CCDC171: variants seen among roughly 807,000 people sequenced by gnomAD.
The protein encoded by CCDC171 is coiled-coil domain-containing protein 171.
In CCDC171, 177 loss-of-function variants were observed where a neutral mutation model predicts 168.2. That is an observed-to-expected ratio of 1.05 (90% CI 0.93 to 1.19). The LOEUF is 1.19. CCDC171 is among the 50% of genes most tolerant of loss of function. The probability of loss-of-function intolerance (pLI) is 0.00; values close to 1 mark genes in which losing one functional copy is unlikely to be tolerated. For synonymous variants in CCDC171, 687 were observed against 540.8 expected (o/e 1.27, Z -3.75); for missense variants, 1,991 against 1,539.0 (o/e 1.29, Z -4.91).
At chr9:15,750,243 C>T (rs1012553337) in intron 18 of CCDC171, among the ~76,000 whole-genome samples, 4 of 152,204 alleles carry the variant, frequency 2.6e-5, no homozygotes, top group Admixed American at 6.5e-5. Flanking sequence ...TTCCTGGACA[C>T]ATACACCCTC....
chr9:15,577,352 T>G (rs2040751452), intron 3 of CCDC171, among the ~76,000 whole-genome samples: 1 of 152,234 alleles, frequency 6.6e-6, no homozygotes, highest in Admixed American at 6.5e-5. Flanking sequence ...GGCCTTGTAG[T>G]AAATCAATAC....
At chr9:16,055,423 T>G (rs1833823543) in intron 1 of CCDC171, among the ~76,000 whole-genome samples, 1 of 152,038 alleles carries the variant, frequency 6.6e-6, no homozygotes, top group Non-Finnish European at 1.5e-5. Flanking sequence ...GACACTCATG[T>G]GAAGAGGAAG....
At chr9:15,838,596 G>T (rs1397384231) in intron 21 of CCDC171, among the ~76,000 whole-genome samples, 1 of 152,166 alleles carries the variant, frequency 6.6e-6, no homozygotes, top group Non-Finnish European at 1.5e-5. Flanking sequence ...AGAAGGATGG[G>T]AGTTGGGAGT....
the CCDC171 span, among the ~76,000 whole-genome samples, chr9:16,079,363 G>C: frequency 1.3e-5 from 2 of 152,314 alleles, no homozygotes; most frequent in South Asian, 4.1e-4. Context: ...ACAAAATCAA[G>C]TTAAAATGAG....
At chr9:15,998,401 C>G (rs1053598805) in intron 3 of CCDC171, among the ~76,000 whole-genome samples, 5 of 152,174 alleles carry the variant, frequency 3.3e-5, no homozygotes, top group African/African-American at 1.2e-4. Context: ...GGAAGTGGAT[C>G]TCCTAGTCAG....
chr9:15,880,918 A>G (rs1473390280), intron 24 of CCDC171, among the ~76,000 whole-genome samples: 1 of 152,208 alleles, frequency 6.6e-6, no homozygotes, highest in Non-Finnish European at 1.5e-5. Flanking sequence ...GGGAAATACA[A>G]TTAGCTGGCA....
chr9:15,571,391 A>G (rs1202623694), intron 2 of CCDC171, among the ~76,000 whole-genome samples: 1 of 152,190 alleles, frequency 6.6e-6, no homozygotes, highest in Non-Finnish European at 1.5e-5. Flanking sequence ...ATAATGTGGT[A>G]ATTTCCCATT....
intron 7 of CCDC171, among the ~76,000 whole-genome samples, chr9:15,649,932 A>G (rs976271688): frequency 6.6e-6 from 1 of 152,206 alleles, no homozygotes; most frequent in Non-Finnish European, 1.5e-5. Context: ...TCATGCTGCT[A>G]TAAAGACACA....
Position 15,777,826 on chromosome 9 carries a change from G to A in CCDC171, c.2898G>A (p.Thr966=), listed in dbSNP as rs150773145. Residue 966 remains threonine, a splice_region_variant and synonymous_variant, in exon 19 of 26, where the codon ACG becomes ACA. Coordinates refer to ENST00000380701, the MANE Select transcript of CCDC171 (RefSeq NM_173550.4). ...GTTTGCGTGGCCATGTGCCCATTACGGTATGTATACACTTTCATTTAGTAG... is the reference window on the plus strand; with the variant it reads ...GTTTGCGTGGCCATGTGCCCATTACAGTATGTATACACTTTCATTTAGTAG... ...KYGLRGHVPI[T]KSTASLQKQI... The A allele has an allele frequency of 1.4e-5, 22 of 1,593,588 alleles. No homozygotes were observed. In the African/African-American group the frequency reaches 1.5e-4, roughly 11 times the overall value.
rs968996863 is a variant in CCDC171, at chr9:15,737,076, A to AT, written c.2050-7187dup. On this transcript the variant is annotated intron_variant, in intron 16 of 25. Coordinates refer to ENST00000380701, the MANE Select transcript of CCDC171 (RefSeq NM_173550.4). ...AGTTCTCTTAATTTGTATTTCTCGG[A>AT]TTTTTTTTTTCTGAGAAACTGAAGT... Among the ~76,000 whole-genome samples the AT allele has an allele frequency of 1.1e-3, 169 of 150,146 alleles. 2 individuals are homozygous for AT. Among genetic ancestry groups the AT allele is most frequent in the Middle Eastern group, 3.5e-3 (1 of 288 alleles).
chr9:15,744,525 G>C lies in CCDC171; in HGVS notation c.2302G>C (p.Glu768Gln). 6.2e-7 allele frequency: 1 copy of C among 1,614,210 alleles called. No homozygotes were observed. Among genetic ancestry groups the C allele is most frequent in the Non-Finnish European group, 8.5e-7 (1 of 1,180,032 alleles). Residue 768 changes from glutamate to glutamine, a missense_variant, in exon 17 of 26, where the codon GAA becomes CAA. Transcript: ENST00000380701. The stretch of plus-strand genomic sequence containing the variant: ...CAACACCTTTGAGTTGTTCAAACTG[G>C]AAATTAGAACTCTAGCCCAGGCTTT... The part of the protein sequence containing the change: ...QVNTFELFKL[E>Q]IRTLAQALST...
At chr9:15,605,888 A>G (rs1423663291) in intron 6 of CCDC171, among the ~76,000 whole-genome samples, 1 of 152,124 alleles carries the variant, frequency 6.6e-6, no homozygotes, top group Non-Finnish European at 1.5e-5. Flanking sequence ...TAGTATTTGC[A>G]TGGCATTCTG....
chr9:15,834,813 T>C (rs2060372044), intron 21 of CCDC171, among the ~76,000 whole-genome samples: 1 of 152,234 alleles, frequency 6.6e-6, no homozygotes, highest in South Asian at 2.1e-4. Context: ...TAAGGGCATC[T>C]ACAAGGAAAA....
At chr9:15,860,936 ATGTGTGTGTG>A in intron 23 of CCDC171, among the ~76,000 whole-genome samples, 1 of 144,262 alleles carries the variant, frequency 6.9e-6, no homozygotes. Flanking sequence ...GTTGTTAGGG[ATGTGTGTGTG>A]TGTGTGTGTG....
intron 6 of CCDC171, among the ~76,000 whole-genome samples, chr9:16,035,268 G>A (rs1451776980): frequency 6.6e-6 from 1 of 152,120 alleles, no homozygotes; most frequent in Admixed American, 6.6e-5. Flanking sequence ...CTACATATAT[G>A]TTAATACATA....
At chr9:16,084,842 G>A in the CCDC171 span, among the ~76,000 whole-genome samples, 6 of 152,320 alleles carry the variant, frequency 3.9e-5, no homozygotes, top group East Asian at 1.9e-4. Flanking sequence ...GTAAGGCAGC[G>A]TGGTAGAGTA....
downstream of CCDC171, among the ~76,000 whole-genome samples, chr9:15,978,665 A>G (rs1831694454): frequency 6.6e-6 from 1 of 152,214 alleles, no homozygotes. Context: ...CTGCTTCACA[A>G]CAATTCAGAT....
downstream of CCDC171, chr9:16,061,686 A>G (rs939765756): frequency 6.6e-6 from 1 of 152,240 alleles, no homozygotes; most frequent in Non-Finnish European, 1.5e-5. Flanking sequence ...GCAAAGAACT[A>G]TGCTAAGCAC....
At chr9:15,761,978 C>A in intron 18 of CCDC171, among the ~76,000 whole-genome samples, 1 of 151,926 alleles carries the variant, frequency 6.6e-6, no homozygotes, top group Non-Finnish European at 1.5e-5. Context: ...GATAATTCAT[C>A]CTTGAAAGTG....
Sources: allele counts gnomAD v4.1 joint callset (sites outside exome capture counted in the v4.1 genomes callset), GRCh38; gene constraint gnomAD v4.1.1; transcripts MANE v1.5; gene names NCBI Gene and HGNC (gene_info 2026-07-23, HGNC 2026-07-21).